The following ZC3H7A variants were observed in gnomAD, a reference collection of about 807,000 sequenced individuals.
ZC3H7A encodes zinc finger CCCH-type containing 7A, also known as zinc finger CCCH domain-containing protein 7A.
In ZC3H7A, 44 loss-of-function variants were observed where a neutral mutation model predicts 125.5. The observed-to-expected ratio is 0.35, with a 90% CI of 0.28 to 0.45. The LOEUF (loss-of-function observed/expected upper bound fraction) is 0.45, where lower values mean the gene tolerates loss of function less well. Among genes scored for constraint, ZC3H7A ranks in the 20% least tolerant of loss-of-function variants. The pLI is 1.00. For synonymous variants in ZC3H7A, 399 were observed against 391.2 expected (o/e 1.02, Z -0.23); for missense variants, 977 against 1,170.7 (o/e 0.83, Z 2.41).
chr16:11,789,945 G>C (rs758761642), intron 1 of ZC3H7A, among the ~76,000 whole-genome samples: 1 of 151,804 alleles, frequency 6.6e-6, no homozygotes, highest in Non-Finnish European at 1.5e-5. Context: ...ACCGGGTGTG[G>C]AGGCATACAC....
intron 11 of ZC3H7A, 31 bp from the exon 12 acceptor site, chr16:11,768,532 A>C (rs773939454): frequency 2.6e-5 from 38 of 1,445,626 alleles, no homozygotes; most frequent in Non-Finnish European, 3.3e-5. Context: ...AAAAAAAAAA[A>C]AACAGCCAAC....
Position 11,768,447 on chromosome 16 carries a change from G to A in ZC3H7A, c.1228C>T (p.Gln410Ter). 6.5e-7 allele frequency: 1 copy of A among 1,549,042 alleles called. No individual in the cohort carries two copies. The highest frequency in any genetic ancestry group is 8.8e-7 in the Non-Finnish European group (1 of 1,139,968). ...AAGTTTCCAAAGTCATTTCTAGGCT[G>A]ACTTGAAATTCCCAGGAAATTCTCT... ...ASENFLGISS[Q>*]PRNDFGNFFG... Residue 410 changes from glutamine (Q) to a stop codon, truncating the protein, a stop_gained, in exon 12 of 23, where the codon CAG becomes TAG. Transcript: ENST00000355758. LOFTEE classifies it high-confidence loss of function.
chr16:11,752,448 T>C (rs2052568674), intron 22 of ZC3H7A, among the ~76,000 whole-genome samples: 2 of 152,198 alleles, frequency 1.3e-5, no homozygotes, highest in African/African-American at 2.4e-5. Flanking sequence ...CAAATTAGTA[T>C]TGGAAGACTA....
intron 1 of ZC3H7A, among the ~76,000 whole-genome samples, chr16:11,786,725 GT>G (rs1293563143): frequency 6.6e-6 from 1 of 152,056 alleles, no homozygotes; most frequent in East Asian, 1.9e-4. Context: ...AGTTTTTTAA[GT>G]TTCCCCAAAA....
At chr16:11,764,992 T>C (rs2052830284) in intron 15 of ZC3H7A, 61 bp downstream of exon 15, 2 of 1,191,510 alleles carry the variant, frequency 1.7e-6, no homozygotes, top group South Asian at 2.9e-5. Flanking sequence ...TACTAGTTTT[T>C]ATTCAGATCT....
chr16:11,756,314 T>C lies in ZC3H7A; in HGVS notation c.2485A>G (p.Ser829Gly). 3 of 1,614,140 alleles carry C rather than the reference T, an allele frequency of 1.9e-6. No individual in the cohort carries two copies. Among genetic ancestry groups the C allele is most frequent in the Non-Finnish European group, 2.5e-6 (3 of 1,180,040 alleles). ...LWLKSQKNEK[S>G]EDIASQSNKE... is the part of the protein sequence containing the mutation. ...TTTGACTGACTGGCTATGTCTTCAC[T>C]TTTTTCATTTTTTTGACTCTTGAGC... The change falls in exon 21 of 23, where the codon AGT becomes GGT. Residue 829 changes from serine to glycine, a missense_variant. This residue lies in a region of ZC3H7A where 436 missense variants were observed against 603.2 expected (regional missense o/e 0.72). Transcript: ENST00000355758.
At chr16:11,784,289 C>T (rs2053219853) in intron 1 of ZC3H7A, among the ~76,000 whole-genome samples, 2 of 152,052 alleles carry the variant, frequency 1.3e-5, no homozygotes, top group South Asian at 4.1e-4. Flanking sequence ...GCTACTTGGA[C>T]ATGTTGGCCC....
intron 10 of ZC3H7A, among the ~76,000 whole-genome samples, chr16:11,769,794 T>TTC (rs1211777700): frequency 3.2e-5 from 4 of 123,908 alleles, no homozygotes; most frequent in African/African-American, 1.4e-4. Flanking sequence ...CTTTTTTTTT[T>TTC]TTTTTTTTTT....
chr16:11,758,823 A>G (rs969584494), intron 19 of ZC3H7A: 1 of 340,850 alleles, frequency 2.9e-6, no homozygotes, highest in African/African-American at 2.2e-5. Flanking sequence ...TACTCAGAAC[A>G]TTTAATCTCC....
intron 16 of ZC3H7A, 196 bp downstream of exon 16, chr16:11,763,282 A>G (rs996696749): frequency 4.8e-6 from 2 of 418,726 alleles, no homozygotes; most frequent in Non-Finnish European, 8.3e-6. Context: ...TAATTTTTGT[A>G]TTTTTTGTAG....
At chr16:11,760,142 A>AAAAAAAAAAAAG (rs1567374798) in intron 19 of ZC3H7A, among the ~76,000 whole-genome samples, 2 of 151,000 alleles carry the variant, frequency 1.3e-5, no homozygotes, top group Non-Finnish European at 2.9e-5. Context: ...AAAAAAAAAA[A>AAAAAAAAAAAAG]AAAGAAAAAA....
chr16:11,785,300 G>C (rs1022637031), intron 1 of ZC3H7A, among the ~76,000 whole-genome samples: 3 of 151,454 alleles, frequency 2.0e-5, no homozygotes, highest in African/African-American at 7.3e-5. Flanking sequence ...AATCATGCCA[G>C]TGCACTCCAG....
chr16:11,752,097 G>A (rs1241779410), intron 22 of ZC3H7A, among the ~76,000 whole-genome samples: 1 of 151,750 alleles, frequency 6.6e-6, no homozygotes, highest in Non-Finnish European at 1.5e-5. Flanking sequence ...GTAGAGACAG[G>A]GTTTCACCAT....
chr16:11,771,891 CAT>C (rs1328773688), intron 9 of ZC3H7A, among the ~76,000 whole-genome samples: 1 of 151,960 alleles, frequency 6.6e-6, no homozygotes, highest in Non-Finnish European at 1.5e-5. Context: ...CTACAGGGCT[CAT>C]AAGAATTTGC....
chr16:11,762,552 G>T, intron 17 of ZC3H7A, 119 bp downstream of exon 17: 2 of 924,984 alleles, frequency 2.2e-6, no homozygotes, highest in Non-Finnish European at 3.3e-6. Flanking sequence ...TGACTCACCT[G>T]AATGAATATT....
chr16:11,779,453 G>T, intron 3 of ZC3H7A, 90 bp from the exon 4 acceptor site: 1 of 1,116,282 alleles, frequency 9.0e-7, no homozygotes, highest in Non-Finnish European at 1.3e-6. Flanking sequence ...AACTTCACAG[G>T]AAACAATGTG....
intron 7 of ZC3H7A, 23 bp from the exon 8 acceptor site, chr16:11,775,036 G>C: frequency 6.2e-7 from 1 of 1,613,234 alleles, no homozygotes; most frequent in Non-Finnish European, 8.5e-7. Flanking sequence ...CCAAACAATG[G>C]GTTATAATAT....
chr16:11,783,625 GAAC>G (rs1567392215), intron 1 of ZC3H7A, among the ~76,000 whole-genome samples: 2 of 152,128 alleles, frequency 1.3e-5, no homozygotes, highest in Non-Finnish European at 1.5e-5. Flanking sequence ...CCCCAGTTGA[GAAC>G]AACTGAGACC....
At position 11,758,620 on chromosome 16, in the gene ZC3H7A, CATT is replaced by C; in HGVS notation, c.2320-84_2320-82del. 20 of 906,244 alleles carry C rather than the reference CATT, an allele frequency of 2.2e-5. No homozygotes were observed. In the South Asian group the frequency reaches 2.9e-4, roughly 13 times the overall value. 56.1% of individuals were successfully genotyped at this position (906,244 alleles called of 1,614,324 possible). A position where few individuals can be genotyped will look rare whatever the true frequency, so the allele number is the denominator to read the frequency against. On this transcript the variant is annotated intron_variant, in intron 19 of 22. Transcript: ENST00000355758. ...AATTTTTACATTTAAGCAAAAGAAG[CATT>C]ATTATCCATGCTAATACTTAGTAAT...
Sources: allele counts gnomAD v4.1 joint callset (sites outside exome capture counted in the v4.1 genomes callset), GRCh38; gene constraint gnomAD v4.1.1; regional missense constraint gnomAD v4.1.1; transcripts MANE v1.5; gene names NCBI Gene and HGNC (gene_info 2026-07-23, HGNC 2026-07-21).